The following CMIP variants were observed in gnomAD, a reference collection of about 807,000 sequenced individuals.
CMIP encodes the protein C-Maf-inducing protein.
A neutral mutation model predicts 97.3 loss-of-function variants in CMIP; 13 were observed. The observed-to-expected ratio is 0.13, with a 90% CI of 0.09 to 0.21. The LOEUF is 0.21. Among genes scored for constraint, CMIP ranks in the 10% least tolerant of loss-of-function variants. CMIP has a pLI of 1.00. For synonymous variants in CMIP, 538 were observed against 436.3 expected, an observed-to-expected ratio of 1.23 and a Z score of -2.91; for missense variants, 847 against 1,024.9, an observed-to-expected ratio of 0.83 and a Z score of 2.37.
At chr16:81,622,980 G>T (rs1447916527) in intron 3 of CMIP, among the ~76,000 whole-genome samples, 1 of 152,220 alleles carries the variant, frequency 6.6e-6, no homozygotes, top group East Asian at 1.9e-4. Context: ...AAAGCAGGCG[G>T]GTAGTCTAAC....
intron 1 of CMIP, among the ~76,000 whole-genome samples, chr16:81,497,229 G>A (rs1364912233): frequency 2.0e-5 from 3 of 152,320 alleles, no homozygotes; most frequent in East Asian, 3.9e-4. Context: ...GGGCTCTGAT[G>A]GCTCCCATTT....
chr16:81,647,807 G>A (rs1009740085), intron 3 of CMIP, among the ~76,000 whole-genome samples: 1 of 151,988 alleles, frequency 6.6e-6, no homozygotes, highest in East Asian at 1.9e-4. Flanking sequence ...GTTGATCCTG[G>A]ACAGGCCTCC....
chr16:81,672,123 C>G, intron 9 of CMIP, 53 bp downstream of exon 9: 1 of 1,098,984 alleles, frequency 9.1e-7, no homozygotes, highest in Admixed American at 2.0e-5. Context: ...CAAACTGCCA[C>G]CCCCATCATG....
At chr16:81,472,550 C>T (rs963983371) in intron 1 of CMIP, among the ~76,000 whole-genome samples, 3 of 152,210 alleles carry the variant, frequency 2.0e-5, no homozygotes, top group African/African-American at 7.2e-5. Flanking sequence ...ATGCCCTGTC[C>T]TAGGGTGCCC....
intron 3 of CMIP, among the ~76,000 whole-genome samples, chr16:81,626,812 T>G (rs574868672): frequency 0.08 from 9,385 of 117,344 alleles, 455 homozygotes; most frequent in East Asian, 0.17. Context: ...TGTGTGTGTG[T>G]GTGTGGGGTG....
chr16:81,706,925 C>T (rs1908216023), intron 19 of CMIP, 89 bp from the exon 20 acceptor site: 1 of 1,090,840 alleles, frequency 9.2e-7, no homozygotes, highest in African/African-American at 1.6e-5. Flanking sequence ...GGCCTGGCAC[C>T]TGCATTGAGC....
chr16:81,699,112 G>A (rs1907094437), intron 14 of CMIP, among the ~76,000 whole-genome samples: 1 of 152,158 alleles, frequency 6.6e-6, no homozygotes. Flanking sequence ...AATTAGCCAG[G>A]TATGGTGGTG....
intron 11 of CMIP, among the ~76,000 whole-genome samples, 151 bp downstream of exon 11, chr16:81,691,991 C>A (rs1015469685): frequency 6.6e-6 from 1 of 152,168 alleles, no homozygotes; most frequent in Non-Finnish European, 1.5e-5. Flanking sequence ...CAGCCACGTC[C>A]TCAGCTGTGG....
intron 3 of CMIP, among the ~76,000 whole-genome samples, chr16:81,623,352 C>G (rs1399288955): frequency 6.6e-6 from 1 of 152,164 alleles, no homozygotes; most frequent in Non-Finnish European, 1.5e-5. Flanking sequence ...TTTATGGTTG[C>G]TAAATTTAAT....
chr16:81,485,360 TC>T (rs1379230489), intron 1 of CMIP, among the ~76,000 whole-genome samples: 3 of 152,256 alleles, frequency 2.0e-5, no homozygotes, highest in African/African-American at 7.2e-5. Context: ...CCGAGCTATT[TC>T]TACCTTTTGT....
intron 1 of CMIP, among the ~76,000 whole-genome samples, chr16:81,493,693 A>G (rs2089441760): frequency 6.6e-6 from 1 of 152,234 alleles, no homozygotes; most frequent in Admixed American, 6.5e-5. Flanking sequence ...CAACAGTAAT[A>G]ACAATGGCAG....
intron 3 of CMIP, among the ~76,000 whole-genome samples, chr16:81,648,262 C>T (rs1483841688): frequency 6.6e-6 from 1 of 151,808 alleles, no homozygotes; most frequent in Non-Finnish European, 1.5e-5. Context: ...CTGAATTGTC[C>T]CTTTCTAGCT....
At chr16:81,538,120 C>A (rs876673) in intron 1 of CMIP, among the ~76,000 whole-genome samples, 59,013 of 152,122 alleles carry the variant, frequency 0.39, 12,749 homozygotes, top group Non-Finnish European at 0.48. Context: ...ATCATTGTAC[C>A]CATTCTTAGA....
At chr16:81,445,811 T>C (rs914655512) in intron 1 of CMIP, among the ~76,000 whole-genome samples, 1 of 151,852 alleles carries the variant, frequency 6.6e-6, no homozygotes, top group Non-Finnish European at 1.5e-5. Flanking sequence ...CCTGGGGACC[T>C]TCTGCCCCCA....
At chr16:81,615,034 G>A (rs565666704) in intron 2 of CMIP, among the ~76,000 whole-genome samples, 3 of 134,216 alleles carry the variant, frequency 2.2e-5, no homozygotes, top group East Asian at 4.7e-4. Flanking sequence ...TATGGTGTAC[G>A]TGCATGTGTA....
rs12446535 is a variant in CMIP, at chr16:81,625,826, C to T, written c.477+4900C>T. On this transcript the variant is annotated intron_variant, in intron 3 of 20. Coordinates refer to ENST00000537098, the MANE Select transcript of CMIP (RefSeq NM_198390.3). ...ACCTTCTCGCTTCCTGAGAGGGGTT[C>T]CTCAGGCCGAGGCACACTAGTCCTG... 0.02 allele frequency among the ~76,000 whole-genome samples: 2,988 copies of T among 152,326 alleles called. 200 individuals are homozygous for T. The East Asian group carries it at 0.23, about 12-fold the overall frequency.
intron 17 of CMIP, chr16:81,703,708 C>A (rs535438967): frequency 1.6e-5 from 9 of 574,816 alleles, no homozygotes; most frequent in Non-Finnish European, 2.1e-5. Context: ...GAGGCTTTCT[C>A]CTCCGCCTGG....
intron 1 of CMIP, among the ~76,000 whole-genome samples, chr16:81,456,531 A>C (rs1906557891): frequency 6.6e-6 from 1 of 152,222 alleles, no homozygotes; most frequent in South Asian, 2.1e-4. Flanking sequence ...TTTATGCCAG[A>C]CACTACTAGA....
intron 13 of CMIP, among the ~76,000 whole-genome samples, chr16:81,694,792 A>G (rs1906515142): frequency 6.6e-6 from 1 of 152,174 alleles, no homozygotes; most frequent in African/African-American, 2.4e-5. Context: ...CGAGTTCTGG[A>G]GGGATCTTGA....
Sources: allele counts gnomAD v4.1 joint callset (sites outside exome capture counted in the v4.1 genomes callset), GRCh38; gene constraint gnomAD v4.1.1; transcripts MANE v1.5; gene names NCBI Gene and HGNC (gene_info 2026-07-23, HGNC 2026-07-21).